DEAF1: variants seen among roughly 807,000 people sequenced by gnomAD.
DEAF1 encodes the protein DEAF1 transcription factor, also known as deformed epidermal autoregulatory factor 1 homolog.
Under a neutral mutation model 58.9 loss-of-function variants are expected in DEAF1, and 53 were observed. The observed-to-expected ratio is 0.90, with a 90% CI of 0.72 to 1.13. The LOEUF is 1.13. DEAF1 is among the 50% of genes most tolerant of loss of function. DEAF1 has a pLI of 0.00. For synonymous variants in DEAF1, 385 were observed against 340.4 expected (o/e 1.13, Z -1.44); for missense variants, 685 against 791.4 (o/e 0.87, Z 1.61).
chr11:700,403 T>C (rs1861394991), intron 1 of DEAF1, among the ~76,000 whole-genome samples: 1 of 151,782 alleles, frequency 6.6e-6, no homozygotes, highest in Non-Finnish European at 1.5e-5. Context: ...GGTGGGCGCC[T>C]GTAGTCCCAG....
chr11:703,550 G>C (rs1168826960), intron 1 of DEAF1: 14 of 1,233,896 alleles, frequency 1.1e-5, no homozygotes, highest in Admixed American at 4.2e-5. Flanking sequence ...TCACCCCCTA[G>C]TTCCCCAATG....
intron 6 of DEAF1, among the ~76,000 whole-genome samples, chr11:682,723 G>T (rs1355924885): frequency 6.6e-6 from 1 of 152,178 alleles, no homozygotes; most frequent in Non-Finnish European, 1.5e-5. Context: ...GGGCAATGTG[G>T]GTTGATGGAA....
chr11:695,306 C>G (rs1200700202), upstream of DEAF1: 1 of 446,718 alleles, frequency 2.2e-6, no homozygotes, highest in East Asian at 3.7e-5. Flanking sequence ...AGACCGAGTC[C>G]TGAACCGAGG....
upstream of DEAF1, chr11:698,952 C>T (rs1456370247): frequency 6.3e-7 from 1 of 1,595,266 alleles, no homozygotes; most frequent in East Asian, 2.2e-5. Context: ...GCACAGAGAG[C>T]ACTCGGCCTC....
intron 6 of DEAF1, among the ~76,000 whole-genome samples, chr11:681,830 G>T (rs1782198375): frequency 6.6e-6 from 1 of 152,196 alleles, no homozygotes; most frequent in Non-Finnish European, 1.5e-5. Flanking sequence ...AACATACTGA[G>T]GATAGCCATT....
At chr11:648,260 T>C (rs1175653928) in intron 11 of DEAF1, among the ~76,000 whole-genome samples, 1 of 149,766 alleles carries the variant, frequency 6.7e-6, no homozygotes, top group Admixed American at 6.7e-5. Context: ...TGTGGCACGA[T>C]CTCGGCTCAC....
At position 688,998 on chromosome 11, in the gene DEAF1, A is replaced by C. The variant is rs930973241; in HGVS notation, c.388-538T>G. On this transcript the variant is annotated intron_variant, in intron 2 of 11. Coordinates refer to ENST00000382409, the MANE Select transcript of DEAF1 (RefSeq NM_021008.4). This position sits in a 1 kb window ranked among gnomAD's most constrained non-coding sequence, Gnocchi z 4.3. Reference sequence around the variant, plus strand: ...GAAGCCAGAGTCTCCATGCCCACACACCACTGCTGGAACTTGAACCCTACC... The same window carrying C: ...GAAGCCAGAGTCTCCATGCCCACACCCCACTGCTGGAACTTGAACCCTACC... Among the ~76,000 whole-genome samples, 1 of 151,976 alleles carries C rather than the reference A, an allele frequency of 6.6e-6. No homozygotes were observed. The highest frequency in any genetic ancestry group is 2.1e-4 in the South Asian group (1 of 4,824).
At chr11:703,622 A>T in intron 1 of DEAF1, 8 of 1,232,782 alleles carry the variant, frequency 6.5e-6, no homozygotes, top group Non-Finnish European at 8.1e-6. Flanking sequence ...TGTGTTTCCA[A>T]GTCGGGCTGG....
In DEAF1 at chr11:671,850, G is replaced by C. The variant is rs80124127; in HGVS notation, c.1503+2686C>G. On this transcript the variant is annotated intron_variant, in intron 10 of 11. Coordinates refer to ENST00000382409, the MANE Select transcript of DEAF1 (RefSeq NM_021008.4). The stretch of plus-strand genomic sequence containing the variant: ...TTAAAAAAAAAAAAAAAAAAAAAAA[G>C]AAACACAAAAAACACTAATCACATA... 9.4e-4 allele frequency among the ~76,000 whole-genome samples: 26 copies of C among 27,680 alleles called. 1 individual carries two copies. The highest frequency in any genetic ancestry group is 2.6e-3 in the South Asian group (2 of 774). The allele number at this position is 27,680 out of a possible 152,430, so 18.2% of individuals were successfully genotyped here.
Position 644,720 on chromosome 11 carries a change from C to A in DEAF1, c.1594-66G>T. 7.7e-7 allele frequency: 1 copy of A among 1,290,546 alleles called. No individual in the cohort carries two copies. Among genetic ancestry groups the A allele is most frequent in the Admixed American group, 2.0e-5 (1 of 51,228 alleles). The allele number at this position is 1,290,546 out of a possible 1,614,324, so 79.9% of individuals were successfully genotyped here. On this transcript the variant is annotated intron_variant, in intron 11 of 11. Coordinates refer to ENST00000382409, the MANE Select transcript of DEAF1 (RefSeq NM_021008.4). The surrounding 1 kb of genome is among the most constrained non-coding windows in gnomAD (Gnocchi z 4.3). Reference sequence around the variant, plus strand: ...TGGAGCAGGGTCTGGGCAGGGTCCCCAAGGCAGACCCCAGAGGGTGCAGCC... The same window carrying A: ...TGGAGCAGGGTCTGGGCAGGGTCCCAAAGGCAGACCCCAGAGGGTGCAGCC...
rs1564956836 is a variant in DEAF1 at position 694,949 on chromosome 11, TGCCGCGGCCGCGGCCGCC to T, written c.81_98del (p.Ala28_Ala33del). 5.3e-6 allele frequency: 6 copies of T among 1,140,442 alleles called. 1 individual carries two copies. Among genetic ancestry groups the T allele is most frequent in the Admixed American group, 8.9e-5 (2 of 22,504 alleles). 70.6% of individuals were successfully genotyped at this position (1,140,442 alleles called of 1,614,324 possible). On this transcript the variant is annotated inframe_deletion, in exon 1 of 12. Coordinates refer to ENST00000382409, the MANE Select transcript of DEAF1 (RefSeq NM_021008.4). The stretch of plus-strand genomic sequence containing the variant: ...GCACCGGCTCCTCCGCCTCGCCTCC[TGCCGCGGCCGCGGCCGCC>T]GCCGCCACAGCGGCCGCGGCCGCCA...
At chr11:685,082 C>CTCT in intron 5 of DEAF1, 119 bp from the exon 6 acceptor site, 1 of 357,428 alleles carries the variant, frequency 2.8e-6, no homozygotes, top group Non-Finnish European at 4.9e-6. Flanking sequence ...TATAAAAATT[C>CTCT]TTTTTTTTTT....
rs531328944 is a variant in DEAF1 at position 703,831 on chromosome 11, G to A, written c.-438+2741C>T. 1.7e-5 allele frequency: 21 copies of A among 1,234,536 alleles called. No individual in the cohort carries two copies. In the East Asian group the frequency reaches 2.5e-4, roughly 15 times the overall value. 76.5% of individuals were successfully genotyped at this position (1,234,536 alleles called of 1,614,324 possible). On this transcript the variant is annotated intron_variant, in intron 1 of 11. Transcript: ENST00000683307. ...CGGAGGAGAGGTCAGGGCTAAGGCC[G>A]GGGATGAGACTGCAGGAGAGAGAGC...
intron 1 of DEAF1, chr11:705,018 C>A: frequency 4.1e-6 from 1 of 244,106 alleles, no homozygotes; most frequent in Non-Finnish European, 8.2e-6. Context: ...ACGGCAAAGG[C>A]TGTAAACCAG....
Position 673,791 on chromosome 11 carries a change from T to G in DEAF1, c.1503+745A>C, listed in dbSNP as rs190849897. ...GACACACGGTACCTGTCTGCTGGGT[T>G]TGGGCTATGAGAAGTAGCTGAGAAA... On this transcript the variant is annotated intron_variant, in intron 10 of 11. Transcript: ENST00000382409. Among the ~76,000 whole-genome samples the G allele has an allele frequency of 2.1e-3, 318 of 152,246 alleles. No individual in the cohort carries two copies. The Middle Eastern group carries it at 0.027, about 13-fold the overall frequency.
chr11:658,255 T>C (rs946439264), intron 10 of DEAF1, among the ~76,000 whole-genome samples: 1 of 152,088 alleles, frequency 6.6e-6, no homozygotes, highest in Non-Finnish European at 1.5e-5. Context: ...GGTGAAACCC[T>C]GTCTCTACTA....
chr11:650,331 G>A (rs1211130259), intron 11 of DEAF1, among the ~76,000 whole-genome samples: 4 of 127,988 alleles, frequency 3.1e-5, no homozygotes, highest in African/African-American at 9.6e-5. Context: ...TGGAGATGGA[G>A]CCACTGCATT....
upstream of DEAF1, chr11:699,083 C>A: frequency 1.5e-6 from 1 of 658,634 alleles, no homozygotes. Flanking sequence ...CATCCCCTAC[C>A]TGCTCAGCCC....
In DEAF1 at chr11:688,903, C is replaced by T. The variant is rs1170512498; in HGVS notation, c.388-443G>A. ...AGGGCCTCAAAACCACATTTCCACA[C>T]TGGCTGAAGCTGCTGCAACTGCTGC... On this transcript the variant is annotated intron_variant, in intron 2 of 11. Transcript: ENST00000382409. This position sits in a 1 kb window ranked among gnomAD's most constrained non-coding sequence, Gnocchi z 4.3. Among the ~76,000 whole-genome samples, 1 of 152,242 alleles carries T rather than the reference C, an allele frequency of 6.6e-6. No homozygotes were observed. The highest frequency in any genetic ancestry group is 2.1e-4 in the South Asian group (1 of 4,836).
Sources: gnomAD v4.1 joint callset for allele counts (sites outside exome capture counted in the v4.1 genomes callset) on GRCh38, gnomAD v4.1.1 for gene constraint, Gnocchi (gnomAD v3.1) non-coding constraint, MANE v1.5 for transcripts, NCBI Gene and HGNC (gene_info 2026-07-23, HGNC 2026-07-21) for gene names.